Variants in CD28 observed in about 807,000 individuals in gnomAD.
CD28 encodes CD28 molecule, also known as T-cell-specific surface glycoprotein CD28.
A neutral mutation model predicts 21.4 loss-of-function variants in CD28; 8 were observed. That is an observed-to-expected ratio of 0.37 (90% CI 0.22 to 0.68). The LOEUF (loss-of-function observed/expected upper bound fraction) is 0.68, where lower values mean the gene tolerates loss of function less well. Among genes scored for constraint, CD28 ranks in the 30% least tolerant of loss-of-function variants. The pLI, the probability that CD28 is intolerant of heterozygous loss-of-function variation, is 0.55. For synonymous variants in CD28, 106 were observed against 104.0 expected (o/e 1.02, Z -0.12); for missense variants, 239 against 272.2 (o/e 0.88, Z 0.86).
intron 1 of CD28, among the ~76,000 whole-genome samples, chr2:203,716,403 C>T (rs551369176): frequency 1.3e-5 from 2 of 152,272 alleles, no homozygotes; most frequent in South Asian, 2.1e-4. Flanking sequence ...TACCTGCCTT[C>T]GGATTTCTCC....
chr2:203,712,369 C>A (rs768359491), intron 1 of CD28, among the ~76,000 whole-genome samples: 8 of 152,082 alleles, frequency 5.3e-5, no homozygotes, highest in Admixed American at 1.3e-4. Context: ...GCAGTCACTA[C>A]CTCACCATGC....
intron 1 of CD28, among the ~76,000 whole-genome samples, chr2:203,716,972 A>G (rs1047625297): frequency 1.3e-5 from 2 of 152,098 alleles, no homozygotes; most frequent in Admixed American, 1.3e-4. Flanking sequence ...CTGGGACTAC[A>G]GGCACATGCC....
intron 3 of CD28, among the ~76,000 whole-genome samples, chr2:203,732,797 T>A (rs1258425147): frequency 6.6e-6 from 1 of 152,238 alleles, no homozygotes; most frequent in East Asian, 1.9e-4. Context: ...CATGCATCTG[T>A]CATTTTCATC....
chr2:203,731,817 A>C (rs1387087331), intron 3 of CD28, among the ~76,000 whole-genome samples: 1 of 152,134 alleles, frequency 6.6e-6, no homozygotes, highest in Non-Finnish European at 1.5e-5. Context: ...GTTTTAAAAA[A>C]ATTTTATTTT....
intron 1 of CD28, among the ~76,000 whole-genome samples, chr2:203,722,854 GT>G (rs1476378545): frequency 6.6e-6 from 1 of 152,188 alleles, no homozygotes; most frequent in African/African-American, 2.4e-5. Context: ...GGCTTAAATG[GT>G]CTAATTAGGA....
chr2:203,738,532 T>C lies in CD28; in HGVS notation c.*3620T>C, dbSNP rs1694104854. ...AGGCTCAGAAAGTCTCTCTTTCCTATAGATATATGCATACTTTCTGACATA... is the reference window on the plus strand; with the variant it reads ...AGGCTCAGAAAGTCTCTCTTTCCTACAGATATATGCATACTTTCTGACATA... On this transcript the variant is annotated 3_prime_UTR_variant, in exon 4 of 4. Coordinates refer to ENST00000324106, the MANE Select transcript of CD28 (RefSeq NM_006139.4). 1 of 152,208 alleles carries C rather than the reference T, an allele frequency of 6.6e-6. No homozygotes were observed. The highest frequency in any genetic ancestry group is 2.1e-4 in the South Asian group (1 of 4,834). The allele number at this position is 152,208 out of a possible 1,614,324, so 9.4% of individuals were successfully genotyped here.
chr2:203,719,772 T>A (rs1693557341), intron 1 of CD28, among the ~76,000 whole-genome samples: 1 of 152,184 alleles, frequency 6.6e-6, no homozygotes, highest in South Asian at 2.1e-4. Context: ...CCATAGATAC[T>A]AAATTAAGCC....
chr2:203,712,341 A>T (rs1371525207), intron 1 of CD28, among the ~76,000 whole-genome samples: 1 of 152,290 alleles, frequency 6.6e-6, no homozygotes, highest in East Asian at 1.9e-4. Context: ...ACATCTGGAA[A>T]CAGATAAATA....
At chr2:203,729,191 A>C (rs1394506844) in intron 2 of CD28, among the ~76,000 whole-genome samples, 1 of 152,196 alleles carries the variant, frequency 6.6e-6, no homozygotes, top group Non-Finnish European at 1.5e-5. Context: ...TGGAACTAGA[A>C]ATTTATCCTC....
At chr2:203,712,479 A>G (rs1028114500) in intron 1 of CD28, among the ~76,000 whole-genome samples, 1 of 152,150 alleles carries the variant, frequency 6.6e-6, no homozygotes, top group African/African-American at 2.4e-5. Context: ...GAGACCCCAA[A>G]TGGCAAAGAG....
At chr2:203,719,103 TCA>T (rs770085852) in intron 1 of CD28, among the ~76,000 whole-genome samples, 11 of 152,222 alleles carry the variant, frequency 7.2e-5, no homozygotes, top group Non-Finnish European at 1.3e-4. Flanking sequence ...TGAAATAAAT[TCA>T]GTCTTGCTGA....
At chr2:203,710,209 T>G (rs1437728920) in intron 1 of CD28, among the ~76,000 whole-genome samples, 1 of 152,198 alleles carries the variant, frequency 6.6e-6, no homozygotes, top group Non-Finnish European at 1.5e-5. Flanking sequence ...TTAAAAGAAA[T>G]TGACTGGATG....
intron 1 of CD28, among the ~76,000 whole-genome samples, chr2:203,720,613 G>A (rs1335804795): frequency 6.6e-6 from 1 of 152,188 alleles, no homozygotes; most frequent in African/African-American, 2.4e-5. Flanking sequence ...GTCTAGATAT[G>A]TCCTTACATT....
chr2:203,730,680 G>T (rs892824877), intron 3 of CD28, among the ~76,000 whole-genome samples: 1 of 152,086 alleles, frequency 6.6e-6, no homozygotes, highest in African/African-American at 2.4e-5. Flanking sequence ...TATTTCTCTT[G>T]ATATTCTCCA....
In CD28 at chr2:203,736,439, C is replaced by T. The variant is rs1694038588; in HGVS notation, c.*1527C>T. 6.6e-6 allele frequency: 1 copy of T among 152,566 alleles called. No individual in the cohort carries two copies. The highest frequency in any genetic ancestry group is 1.5e-5 in the Non-Finnish European group (1 of 68,066). 9.5% of individuals were successfully genotyped at this position (152,566 alleles called of 1,614,324 possible). A position where few individuals can be genotyped will look rare whatever the true frequency, so the allele number is the denominator to read the frequency against. ...TGGTTTAGGGCTCAGAGCTCCAAAA[C>T]TCTGGGCTCAGCTGCTCCTGTACCT... On this transcript the variant is annotated 3_prime_UTR_variant, in exon 4 of 4. Coordinates refer to ENST00000324106, the MANE Select transcript of CD28 (RefSeq NM_006139.4).
At chr2:203,711,378 T>A (rs1269621620) in intron 1 of CD28, among the ~76,000 whole-genome samples, 1 of 152,218 alleles carries the variant, frequency 6.6e-6, no homozygotes, top group Non-Finnish European at 1.5e-5. Flanking sequence ...TCTCACTATT[T>A]CAATGTTAAT....
At chr2:203,713,012 T>A (rs1488693757) in intron 1 of CD28, among the ~76,000 whole-genome samples, 1 of 152,190 alleles carries the variant, frequency 6.6e-6, no homozygotes, top group Admixed American at 6.5e-5. Context: ...ACTAAGTATG[T>A]AAATCCAGAT....
In CD28 at chr2:203,737,019, A is replaced by G. The variant is rs1459159421; in HGVS notation, c.*2107A>G. On this transcript the variant is annotated 3_prime_UTR_variant, in exon 4 of 4. Transcript: ENST00000324106. ...AATTTAAACCCACTACGCAGGGATG[A>G]GGTGCTATAATATGAGGACCTTTTA... 6.6e-6 allele frequency: 1 copy of G among 152,252 alleles called. No homozygotes were observed. The highest frequency in any genetic ancestry group is 1.5e-5 in the Non-Finnish European group (1 of 68,050). 9.4% of individuals were successfully genotyped at this position (152,252 alleles called of 1,614,324 possible).
rs987179369 is a variant in CD28 at position 203,738,326 on chromosome 2, G to A, written c.*3414G>A. 3.3e-5 allele frequency: 5 copies of A among 152,126 alleles called. No homozygotes were observed. Among genetic ancestry groups the A allele is most frequent in the Non-Finnish European group, 7.3e-5 (5 of 68,040 alleles). The allele number at this position is 152,126 out of a possible 1,614,324, so 9.4% of individuals were successfully genotyped here. On this transcript the variant is annotated 3_prime_UTR_variant, in exon 4 of 4. Transcript: ENST00000324106. The stretch of plus-strand genomic sequence containing the variant: ...CCAGCTGGGAACTATACCAGACCTG[G>A]ATACTGATCCCAAAGTGTTAAATTC...
Sources: allele counts gnomAD v4.1 joint callset (sites outside exome capture counted in the v4.1 genomes callset), GRCh38; gene constraint gnomAD v4.1.1; transcripts MANE v1.5; gene names NCBI Gene and HGNC (gene_info 2026-07-23, HGNC 2026-07-21).